TENM2: variants seen among roughly 807,000 people sequenced by gnomAD.
The protein encoded by TENM2 is teneurin transmembrane protein 2, also known as teneurin-2.
In TENM2, 52 loss-of-function variants were observed where a neutral mutation model predicts 245.2. The observed-to-expected ratio is 0.21, with a 90% CI of 0.17 to 0.27. TENM2 has a LOEUF of 0.27. Ranked by LOEUF, TENM2 falls within the 10% of genes least tolerant of loss-of-function variation. TENM2 has a pLI of 1.00. For synonymous variants in TENM2, 1,363 were observed against 1,438.9 expected, an observed-to-expected ratio of 0.95 and a Z score of 1.19; for missense variants, 3,046 against 3,666.8, an observed-to-expected ratio of 0.83 and a Z score of 4.37.
chr5:167,993,576 T>G (rs1247270343), intron 5 of TENM2, among the ~76,000 whole-genome samples: 1 of 152,190 alleles, frequency 6.6e-6, no homozygotes, highest in Non-Finnish European at 1.5e-5. Context: ...AGCCAAAAAC[T>G]GAATTGAAGA....
chr5:167,588,674 T>C (rs570219788), intron 2 of TENM2, among the ~76,000 whole-genome samples: 2 of 152,338 alleles, frequency 1.3e-5, no homozygotes, highest in East Asian at 1.9e-4. Context: ...TAATAATCTT[T>C]TAAAAACAGC....
At chr5:167,619,456 G>A (rs990057739) in intron 2 of TENM2, among the ~76,000 whole-genome samples, 4 of 152,064 alleles carry the variant, frequency 2.6e-5, no homozygotes, top group Non-Finnish European at 5.9e-5. Context: ...GGGCATTATG[G>A]AATTACAGGG....
chr5:167,789,844 C>T (rs892442514), intron 2 of TENM2, among the ~76,000 whole-genome samples: 1 of 152,198 alleles, frequency 6.6e-6, no homozygotes, highest in Non-Finnish European at 1.5e-5. Flanking sequence ...AGAGCTCCTT[C>T]TCTAGCAGGT....
intron 1 of TENM2, among the ~76,000 whole-genome samples, chr5:167,330,831 A>C (rs1177279876): frequency 1.3e-5 from 2 of 152,160 alleles, no homozygotes; most frequent in African/African-American, 4.8e-5. Context: ...TTCCTCTATC[A>C]AAATTTTGAG....
chr5:167,757,121 T>C (rs533508998), intron 2 of TENM2, among the ~76,000 whole-genome samples: 1 of 151,988 alleles, frequency 6.6e-6, no homozygotes, highest in East Asian at 1.9e-4. Flanking sequence ...CTTTAAGTTC[T>C]GGGGTGCATG....
chr5:167,431,625 A>G (rs1323233612), intron 2 of TENM2, among the ~76,000 whole-genome samples: 2 of 152,012 alleles, frequency 1.3e-5, no homozygotes, highest in Non-Finnish European at 2.9e-5. Context: ...CTTGAAATAT[A>G]TATGTATACT....
chr5:167,368,137 A>C (rs566198001), intron 1 of TENM2, among the ~76,000 whole-genome samples: 79 of 152,292 alleles, frequency 5.2e-4, no homozygotes, highest in Admixed American at 7.8e-4. Context: ...TTAAATAGTA[A>C]AAATAATTTA....
intron 2 of TENM2, among the ~76,000 whole-genome samples, chr5:167,610,860 G>A (rs1040997256): frequency 2.0e-5 from 3 of 152,118 alleles, no homozygotes; most frequent in South Asian, 2.1e-4. Flanking sequence ...AGATTCATAA[G>A]CCAGGAAGCC....
chr5:167,754,475 T>C (rs1024140707), intron 2 of TENM2, among the ~76,000 whole-genome samples: 4 of 152,132 alleles, frequency 2.6e-5, no homozygotes, highest in African/African-American at 9.6e-5. Flanking sequence ...TGAGGGAAGA[T>C]GATATTTGAA....
At chr5:168,115,408 G>GGAAGGAAGGAAGGAAGGAAGGAAGGAA (rs1458782856) in intron 9 of TENM2, among the ~76,000 whole-genome samples, 3 of 122,874 alleles carry the variant, frequency 2.4e-5, no homozygotes, top group South Asian at 2.8e-4. Context: ...AAGGAAGGAA[G>GGAAGGAAGGAAGGAAGGAAGGAAGGAA]GGAAAGGAAA....
chr5:168,236,918 T>C (rs766403692), intron 25 of TENM2, among the ~76,000 whole-genome samples: 84 of 111,304 alleles, frequency 7.5e-4, no homozygotes, highest in Non-Finnish European at 1.5e-3. Context: ...TCAGATATTT[T>C]GAGACCACAG....
intron 2 of TENM2, among the ~76,000 whole-genome samples, chr5:167,410,343 C>T (rs776075756): frequency 6.6e-6 from 1 of 152,008 alleles, no homozygotes; most frequent in Non-Finnish European, 1.5e-5. Flanking sequence ...ATATGGTGCT[C>T]AGAATCATCT....
chr5:167,556,949 C>T (rs1773296277), intron 2 of TENM2, among the ~76,000 whole-genome samples: 1 of 152,168 alleles, frequency 6.6e-6, no homozygotes, highest in Admixed American at 6.5e-5. Context: ...CTCTGAACTC[C>T]TTATAATGTC....
intron 2 of TENM2, among the ~76,000 whole-genome samples, chr5:167,482,732 T>A (rs1233736745): frequency 1.1e-4 from 17 of 152,184 alleles, no homozygotes; most frequent in Admixed American, 1.1e-3. Context: ...CTGTGTGACT[T>A]AAGTCATTAA....
At chr5:167,147,699 T>C in the TENM2 span, among the ~76,000 whole-genome samples, 1 of 152,196 alleles carries the variant, frequency 6.6e-6, no homozygotes, top group Non-Finnish European at 1.5e-5. Context: ...GTTTCTGGTA[T>C]TGTACTAGGT....
chr5:168,021,621 C>T (rs942101098), intron 5 of TENM2, among the ~76,000 whole-genome samples: 8 of 152,150 alleles, frequency 5.3e-5, no homozygotes, highest in African/African-American at 1.9e-4. Flanking sequence ...ATCTACAGAA[C>T]TCACACTCAA....
chr5:167,276,954 A>G, the TENM2 span, among the ~76,000 whole-genome samples: 1 of 152,090 alleles, frequency 6.6e-6, no homozygotes, highest in Non-Finnish European at 1.5e-5. Flanking sequence ...CAGGGCCTGT[A>G]ATGATACCTC....
the TENM2 span, among the ~76,000 whole-genome samples, chr5:167,056,606 TATATAA>T: frequency 2.5e-4 from 37 of 146,948 alleles, no homozygotes; most frequent in African/African-American, 9.1e-4. Flanking sequence ...AATATATATC[TATATAA>T]ATATATCTAT....
At chr5:167,398,683 A>T (rs566602894) in intron 2 of TENM2, among the ~76,000 whole-genome samples, 1 of 151,712 alleles carries the variant, frequency 6.6e-6, no homozygotes, top group African/African-American at 2.4e-5. Context: ...CAAGTTATCC[A>T]CCTGCCTCGG....
Sources: allele counts gnomAD v4.1 joint callset (sites outside exome capture counted in the v4.1 genomes callset), GRCh38; gene constraint gnomAD v4.1.1; transcripts MANE v1.5; gene names NCBI Gene and HGNC (gene_info 2026-07-23, HGNC 2026-07-21).